PKD1L1: variants seen among roughly 807,000 people sequenced by gnomAD.
PKD1L1 encodes the protein polycystin 1 like 1, transient receptor potential channel interacting.
Under a neutral mutation model 323.4 loss-of-function variants are expected in PKD1L1, and 236 were observed. That is an observed-to-expected ratio of 0.73 (90% CI 0.66 to 0.81). PKD1L1 has a LOEUF of 0.81. Ranked by LOEUF, PKD1L1 falls within the 40% of genes least tolerant of loss-of-function variation. PKD1L1 has a pLI of 0.00. For synonymous variants in PKD1L1, 1,344 were observed against 1,335.0 expected, an observed-to-expected ratio of 1.01 and a Z score of -0.15; for missense variants, 3,320 against 3,508.0, an observed-to-expected ratio of 0.95 and a Z score of 1.35.
intron 26 of PKD1L1, among the ~76,000 whole-genome samples, chr7:47,862,025 T>C (rs1786041272): frequency 6.6e-6 from 1 of 151,212 alleles, no homozygotes; most frequent in Admixed American, 6.6e-5. Flanking sequence ...TGAAACCCTG[T>C]CTCTATTAAA....
intron 56 of PKD1L1, among the ~76,000 whole-genome samples, chr7:47,785,368 T>C (rs1562928839): frequency 6.6e-6 from 1 of 152,252 alleles, no homozygotes; most frequent in Non-Finnish European, 1.5e-5. Context: ...TGTTCATCTT[T>C]GGATCCCCAG....
intron 13 of PKD1L1, among the ~76,000 whole-genome samples, chr7:47,902,033 G>GGAAAA (rs199667705): frequency 1.9e-4 from 25 of 132,518 alleles, no homozygotes; most frequent in South Asian, 6.6e-4. Context: ...GGAAAGGAAA[G>GGAAAA]GAAAAGAAAA....
In PKD1L1 at chr7:47,877,653, C is replaced by A. The variant is rs201731668; in HGVS notation, c.3521-22G>T. 8 of 1,610,070 alleles carry A rather than the reference C, an allele frequency of 5.0e-6. No individual in the cohort carries two copies. In the African/African-American group the frequency reaches 6.7e-5, roughly 13 times the overall value. ...GAAGCTAAAGAGAAAGATGAAGCAG[C>A]GGTTTCACCCATGATGGAGAATTAC... On this transcript the variant is annotated intron_variant, in intron 21 of 56. Transcript: ENST00000289672.
chr7:47,916,878 G>A (rs1787439983), intron 7 of PKD1L1, among the ~76,000 whole-genome samples: 1 of 152,124 alleles, frequency 6.6e-6, no homozygotes, highest in Non-Finnish European at 1.5e-5. Context: ...AAATGAGAAG[G>A]AACCAGAAAA....
At chr7:47,791,685 G>A (rs577633293) in intron 56 of PKD1L1, among the ~76,000 whole-genome samples, 5 of 152,098 alleles carry the variant, frequency 3.3e-5, no homozygotes, top group African/African-American at 9.6e-5. Context: ...TTTCATAAAC[G>A]GTGTTCTTCC....
intron 56 of PKD1L1, among the ~76,000 whole-genome samples, chr7:47,776,810 T>C (rs1584936876): frequency 6.6e-6 from 1 of 152,202 alleles, no homozygotes; most frequent in Non-Finnish European, 1.5e-5. Flanking sequence ...TGCTCCGCAA[T>C]AAAATTTAAG....
intron 4 of PKD1L1, among the ~76,000 whole-genome samples, chr7:47,936,109 T>C (rs1309819813): frequency 6.6e-6 from 1 of 152,250 alleles, no homozygotes; most frequent in Non-Finnish European, 1.5e-5. Context: ...AACTATTTTT[T>C]AAAATTATGT....
chr7:47,776,834 G>A (rs559896007), intron 56 of PKD1L1, among the ~76,000 whole-genome samples: 13 of 152,272 alleles, frequency 8.5e-5, no homozygotes, highest in African/African-American at 3.1e-4. Context: ...GGGTAGGGAG[G>A]TGTTGAGACC....
intron 21 of PKD1L1, among the ~76,000 whole-genome samples, chr7:47,880,244 T>G (rs1311478094): frequency 1.1e-4 from 13 of 118,614 alleles, no homozygotes; most frequent in African/African-American, 4.7e-4. Context: ...CTAGCATAAA[T>G]AAGATATATA....
At chr7:47,884,192 G>A (rs1449218640) in intron 19 of PKD1L1, among the ~76,000 whole-genome samples, 1 of 151,874 alleles carries the variant, frequency 6.6e-6, no homozygotes, top group Admixed American at 6.6e-5. Context: ...GAAGGCGGGG[G>A]GAGTGGTGGT....
chr7:47,786,784 G>A (rs1288240042), intron 56 of PKD1L1, among the ~76,000 whole-genome samples: 1 of 152,242 alleles, frequency 6.6e-6, no homozygotes, highest in Non-Finnish European at 1.5e-5. Flanking sequence ...AGCAGGGCAA[G>A]AGCTCGGAGG....
intron 56 of PKD1L1, among the ~76,000 whole-genome samples, chr7:47,781,407 T>G (rs1786691348): frequency 1.3e-5 from 1 of 78,994 alleles, no homozygotes; most frequent in Non-Finnish European, 2.7e-5. Context: ...TTGTTTTGTT[T>G]TGTTTTTTTT....
rs139703489 is a variant in PKD1L1, at chr7:47,815,333, C to T, written c.7089+1G>A. ...CTATGAAGAGGAGACGGAAAGCTCACCTGAGCCCCCGGCACACGGGCTGAC... is the reference window on the plus strand; with the variant it reads ...CTATGAAGAGGAGACGGAAAGCTCATCTGAGCCCCCGGCACACGGGCTGAC... On this transcript the variant is annotated splice_donor_variant, in intron 47 of 56. Coordinates refer to ENST00000289672, the MANE Select transcript of PKD1L1 (RefSeq NM_138295.5). LOFTEE classifies it high-confidence loss of function. 3.1e-6 allele frequency: 5 copies of T among 1,613,400 alleles called. No homozygotes were observed. The African/African-American group carries it at 6.7e-5, about 22-fold the overall frequency.
At chr7:47,819,257 T>C (rs1449704555) in intron 46 of PKD1L1, among the ~76,000 whole-genome samples, 2 of 152,194 alleles carry the variant, frequency 1.3e-5, no homozygotes, top group African/African-American at 4.8e-5. Context: ...ATAAGGTCTA[T>C]GTAAATCCAG....
intron 21 of PKD1L1, 92 bp downstream of exon 21, chr7:47,880,636 G>A: frequency 1.0e-6 from 1 of 970,990 alleles, no homozygotes; most frequent in Non-Finnish European, 1.5e-6. Flanking sequence ...CGCTGATGTA[G>A]ACCTGCACCC....
intron 45 of PKD1L1, among the ~76,000 whole-genome samples, chr7:47,824,797 T>A (rs1054754376): frequency 2.0e-5 from 3 of 152,204 alleles, no homozygotes; most frequent in African/African-American, 7.2e-5. Context: ...GTAGTCTTCA[T>A]GCTTCTACAT....
At position 47,792,643 on chromosome 7, in the gene PKD1L1, C is replaced by T. The variant is rs1424488485; in HGVS notation, c.8510G>A (p.Ser2837Asn). The change falls in exon 56 of 57, where the codon AGT becomes AAT. Residue 2837 changes from serine to asparagine, a missense_variant. By Grantham distance (46) the Ser-to-Asn change is conservative. Transcript: ENST00000289672. ...TGGTCTTACCTCAGCAGCTTGGTAA[C>T]TAGAAATGTCCACTAAGGGACTCTC... ...TEESPLVDIS[S>N]YQAAEPADIK... 2 of 1,612,928 alleles carry T rather than the reference C, an allele frequency of 1.2e-6. No homozygotes were observed. The highest frequency in any genetic ancestry group is 1.7e-6 in the Non-Finnish European group (2 of 1,179,364).
intron 46 of PKD1L1, among the ~76,000 whole-genome samples, chr7:47,818,609 G>A (rs1237569650): frequency 2.0e-5 from 3 of 152,102 alleles, no homozygotes; most frequent in Non-Finnish European, 2.9e-5. Flanking sequence ...CTCACTCCTG[G>A]CACACCCAAA....
At chr7:47,905,607 G>A (rs533423824) in intron 10 of PKD1L1, among the ~76,000 whole-genome samples, 135 of 152,222 alleles carry the variant, frequency 8.9e-4, no homozygotes, top group Non-Finnish European at 1.3e-3. Context: ...ACATGGAGCT[G>A]GCAGATAACA....
Sources: allele counts gnomAD v4.1 joint callset (sites outside exome capture counted in the v4.1 genomes callset), GRCh38; gene constraint gnomAD v4.1.1; transcripts MANE v1.5; gene names NCBI Gene and HGNC (gene_info 2026-07-23, HGNC 2026-07-21).